The following DUSP22 variants were observed in gnomAD, a reference collection of about 807,000 sequenced individuals.
The protein encoded by DUSP22 is dual specificity phosphatase 22, also known as dual specificity protein phosphatase 22.
DUSP22 carries 24 observed loss-of-function variants against 24.5 expected under a neutral mutation model. That is an observed-to-expected ratio of 0.98 (90% CI 0.71 to 1.38). DUSP22 has a LOEUF of 1.38. DUSP22 is among the 40% of genes most tolerant of loss of function. The pLI is 0.00. For synonymous variants in DUSP22, 160 were observed against 106.4 expected (o/e 1.50, Z -3.10); for missense variants, 330 against 269.2 (o/e 1.23, Z -1.58).
intron 3 of DUSP22, chr6:325,492 G>T (rs1340413569): frequency 5.4e-6 from 1 of 184,184 alleles, no homozygotes. Context: ...TGCTGTATCT[G>T]CTGGTGCCTG....
chr6:348,553 G>A (rs1334241714), intron 6 of DUSP22: 2 of 903,444 alleles, frequency 2.2e-6, no homozygotes, highest in Non-Finnish European at 1.7e-6. Context: ...TCCTTGGTCT[G>A]GCCTATTTTC....
At chr6:315,544 T>A (rs1232533186) in intron 3 of DUSP22, among the ~76,000 whole-genome samples, 1 of 152,306 alleles carries the variant, frequency 6.6e-6, no homozygotes, top group Admixed American at 6.5e-5. Flanking sequence ...GTGGTATCGG[T>A]AGATCTTACC....
intron 3 of DUSP22, among the ~76,000 whole-genome samples, chr6:322,516 G>A (rs1354105986): frequency 2.6e-5 from 4 of 152,418 alleles, no homozygotes; most frequent in Admixed American, 6.5e-5. Context: ...GAAGACCCTC[G>A]TGTTTGGCTG....
chr6:349,307 G>T lies in DUSP22; in HGVS notation c.*356G>T. On this transcript the variant is annotated 3_prime_UTR_variant, in exon 7 of 7. Transcript: ENST00000419235. ...CACCTAAGTGTGTACATGTGTGTATGTTGTGAAAGTGTCTGTGCACATGAA... is the reference window on the plus strand; with the variant it reads ...CACCTAAGTGTGTACATGTGTGTATTTTGTGAAAGTGTCTGTGCACATGAA... 1 of 1,188,422 alleles carries T rather than the reference G, an allele frequency of 8.4e-7. No homozygotes were observed. Among genetic ancestry groups the T allele is most frequent in the South Asian group, 2.5e-5 (1 of 40,498 alleles). 73.6% of individuals were successfully genotyped at this position (1,188,422 alleles called of 1,614,324 possible). A position where few individuals can be genotyped will look rare whatever the true frequency, so the allele number is the denominator to read the frequency against.
At chr6:300,368 G>A (rs910530251) in intron 1 of DUSP22, among the ~76,000 whole-genome samples, 3 of 152,280 alleles carry the variant, frequency 2.0e-5, no homozygotes, top group East Asian at 1.9e-4. Context: ...GTTTCATGCT[G>A]AAAGCTACAC....
At chr6:298,419 G>T (rs1186112992) in intron 1 of DUSP22, among the ~76,000 whole-genome samples, 1 of 152,310 alleles carries the variant, frequency 6.6e-6, no homozygotes, top group African/African-American at 2.4e-5. Context: ...TTGGGCAGCT[G>T]CTTGCTCAGG....
rs1264495660 is a variant in DUSP22, at chr6:348,881, G to A, written c.548G>A (p.Gly183Asp). ...KEQGRTEPQP[G>D]ARRWSSFPAL... is the part of the protein sequence containing the mutation. ...CAAGGGCGCACAGAGCCCCAGCCCG[G>A]CGCCAGGCGGTGGAGCAGTTTTCCG... is the stretch of plus-strand genomic sequence containing the variant. The change falls in exon 7 of 7, where the codon GGC becomes GAC. Residue 183 changes from glycine (G) to aspartate (D), a missense_variant. Coordinates refer to ENST00000419235, the MANE Select transcript of DUSP22 (RefSeq NM_001286555.3). The A allele has an allele frequency of 1.2e-6, 2 of 1,614,100 alleles. No homozygotes were observed. The highest frequency in any genetic ancestry group is 1.7e-6 in the Non-Finnish European group (2 of 1,180,026).
At chr6:293,932 A>C (rs1757209435) in intron 1 of DUSP22, among the ~76,000 whole-genome samples, 1 of 152,168 alleles carries the variant, frequency 6.6e-6, no homozygotes, top group African/African-American at 2.4e-5. Flanking sequence ...TTTTAAATTA[A>C]AACAGAACAA....
At chr6:328,351 A>G (rs1053238437) in intron 3 of DUSP22, among the ~76,000 whole-genome samples, 2 of 152,310 alleles carry the variant, frequency 1.3e-5, no homozygotes, top group Admixed American at 1.3e-4. Flanking sequence ...CCCAGCCCGT[A>G]CTGGCTGGAG....
At chr6:339,970 G>A (rs1316754609) in intron 4 of DUSP22, among the ~76,000 whole-genome samples, 1 of 152,294 alleles carries the variant, frequency 6.6e-6, no homozygotes, top group African/African-American at 2.4e-5. Context: ...TCCTGCTCAA[G>A]GAGAAAATGA....
At chr6:325,846 G>A (rs561424591) in intron 3 of DUSP22, 7 of 189,502 alleles carry the variant, frequency 3.7e-5, no homozygotes, top group Non-Finnish European at 5.3e-5. Flanking sequence ...CCGCGTCCTG[G>A]TGTGTGCAAT....
At chr6:337,284 C>G (rs577148319) in intron 4 of DUSP22, 103 of 152,516 alleles carry the variant, frequency 6.8e-4, no homozygotes, top group African/African-American at 2.4e-3. Flanking sequence ...CTCCATTCTC[C>G]CATCTGAAAA....
chr6:340,234 G>A (rs1013560518), intron 4 of DUSP22, among the ~76,000 whole-genome samples: 1 of 152,310 alleles, frequency 6.6e-6, no homozygotes, highest in African/African-American at 2.4e-5. Flanking sequence ...TATCAAAGTT[G>A]GGGAATCACT....
chr6:336,225 C>T (rs1168499521), intron 4 of DUSP22, among the ~76,000 whole-genome samples: 1 of 152,308 alleles, frequency 6.6e-6, no homozygotes, highest in African/African-American at 2.4e-5. Context: ...CAGGTTGGCC[C>T]AGTGCTATAT....
At chr6:330,374 A>G (rs1455120723) in intron 3 of DUSP22, among the ~76,000 whole-genome samples, 1 of 152,304 alleles carries the variant, frequency 6.6e-6, no homozygotes, top group African/African-American at 2.4e-5. Flanking sequence ...TGGCTTCTGA[A>G]GGGTTTATCT....
Position 293,909 on chromosome 6 carries a change from C to T in DUSP22, c.21+1349C>T, listed in dbSNP as rs815595. On this transcript the variant is annotated intron_variant, in intron 1 of 6. Transcript: ENST00000419235. ...TGAGCACTGGAATCCATCAGCACCA[C>T]GAGCCTTCTGCTTTTTAAATTAAAA... 6.4e-3 allele frequency among the ~76,000 whole-genome samples: 968 copies of T among 151,540 alleles called. 1 individual carries two copies. Among genetic ancestry groups the T allele is most frequent in the African/African-American group, 0.022 (920 of 41,100 alleles).
At chr6:296,085 T>C (rs948440389) in intron 1 of DUSP22, among the ~76,000 whole-genome samples, 4 of 152,304 alleles carry the variant, frequency 2.6e-5, no homozygotes, top group Admixed American at 6.5e-5. Flanking sequence ...GAAAAGCTCC[T>C]CATAGCTTCG....
chr6:296,671 A>C (rs1489755599), intron 1 of DUSP22, among the ~76,000 whole-genome samples: 1 of 152,304 alleles, frequency 6.6e-6, no homozygotes, highest in Non-Finnish European at 1.5e-5. Context: ...CTTCAGTACT[A>C]CAATACCCCA....
intron 5 of DUSP22, among the ~76,000 whole-genome samples, chr6:347,179 G>GT (rs1261286838): frequency 6.6e-6 from 1 of 152,306 alleles, no homozygotes; most frequent in Admixed American, 6.5e-5. Flanking sequence ...AATCTCCAGG[G>GT]TTGCAGCCCC....
Sources: gnomAD v4.1 joint callset for allele counts (sites outside exome capture counted in the v4.1 genomes callset) on GRCh38, gnomAD v4.1.1 for gene constraint, MANE v1.5 for transcripts, NCBI Gene and HGNC (gene_info 2026-07-23, HGNC 2026-07-21) for gene names.